SLC23A2: variants seen among roughly 807,000 people sequenced by gnomAD.
SLC23A2 encodes the protein solute carrier family 23 member 2.
In SLC23A2, 36 loss-of-function variants were observed where a neutral mutation model predicts 73.3. The ratio of observed to expected loss-of-function variants is 0.49; its 90% CI spans 0.38 to 0.65. SLC23A2 has a LOEUF of 0.65. SLC23A2 is among the 30% of genes least tolerant of loss of function. The pLI is 0.00. For missense variants in SLC23A2, 507 were observed against 841.6 expected, an observed-to-expected ratio of 0.60 and a Z score of 4.92; for synonymous variants, 343 against 327.3, an observed-to-expected ratio of 1.05 and a Z score of -0.52.
At chr20:4,961,228 C>A (rs768058534) in intron 2 of SLC23A2, among the ~76,000 whole-genome samples, 1 of 151,686 alleles carries the variant, frequency 6.6e-6, no homozygotes. Context: ...CCTATAGGCA[C>A]GTGTCACCAT....
intron 2 of SLC23A2, among the ~76,000 whole-genome samples, chr20:4,938,509 C>T (rs113376850): frequency 0.042 from 6,309 of 151,850 alleles, 395 homozygotes; most frequent in African/African-American, 0.14. Context: ...CAGCTAATTT[C>T]GTATTTTTAG....
At chr20:4,929,635 C>T (rs1034657563) in intron 3 of SLC23A2, among the ~76,000 whole-genome samples, 1 of 151,924 alleles carries the variant, frequency 6.6e-6, no homozygotes, top group African/African-American at 2.4e-5. Flanking sequence ...AATGAAGTCA[C>T]ATTTAAAAGA....
At chr20:4,874,893 G>A (rs1460010237) in intron 9 of SLC23A2, among the ~76,000 whole-genome samples, 197 bp from the exon 10 acceptor site, 5 of 152,200 alleles carry the variant, frequency 3.3e-5, no homozygotes, top group African/African-American at 1.2e-4. Flanking sequence ...TGTGGGGGAA[G>A]ATGTTACAAC....
upstream of SLC23A2, among the ~76,000 whole-genome samples, chr20:5,001,656 C>T (rs1415363852): frequency 1.3e-5 from 2 of 150,580 alleles, no homozygotes; most frequent in Admixed American, 6.6e-5. Context: ...GGCAGCGCTC[C>T]CCGGAACATC....
In SLC23A2 at chr20:4,951,073, G is replaced by A. The variant is rs138469376; in HGVS notation, c.-154-18357C>T. Among the ~76,000 whole-genome samples, 409 of 152,268 alleles carry A rather than the reference G, an allele frequency of 2.7e-3. 3 individuals are homozygous for A. Among genetic ancestry groups the A allele is most frequent in the African/African-American group, 9.6e-3 (397 of 41,548 alleles). On this transcript the variant is annotated intron_variant, in intron 2 of 16. Transcript: ENST00000338244. ...CACATCCAACCCATCAGGTCAACAC[G>A]CCTAGGGGAGCCAAGAACGGTATTC...
chr20:4,937,847 G>C (rs1196433344), intron 2 of SLC23A2, among the ~76,000 whole-genome samples: 2 of 152,020 alleles, frequency 1.3e-5, no homozygotes, highest in Non-Finnish European at 1.5e-5. Context: ...TGATTTTTGA[G>C]GGGGCACTGA....
intron 4 of SLC23A2, among the ~76,000 whole-genome samples, chr20:4,908,301 A>G (rs1829739789): frequency 6.6e-6 from 1 of 152,216 alleles, no homozygotes; most frequent in Admixed American, 6.5e-5. Context: ...AAAAATCAGG[A>G]TAAAACTACA....
At chr20:5,005,055 T>G (rs1346480091), upstream of SLC23A2, among the ~76,000 whole-genome samples, 1 of 150,586 alleles carries the variant, frequency 6.6e-6, no homozygotes, top group African/African-American at 2.4e-5. Flanking sequence ...AATAGCTAAA[T>G]AAAGAAAGAA....
At chr20:4,860,157 A>T (rs563729064) in intron 15 of SLC23A2, among the ~76,000 whole-genome samples, 37 of 152,252 alleles carry the variant, frequency 2.4e-4, no homozygotes, top group Non-Finnish European at 4.3e-4. Flanking sequence ...CAAGTACTCA[A>T]ATATGGCCCA....
intron 13 of SLC23A2, among the ~76,000 whole-genome samples, chr20:4,864,249 G>A (rs897378568): frequency 6.6e-6 from 1 of 152,178 alleles, no homozygotes; most frequent in Non-Finnish European, 1.5e-5. Context: ...AATTTTAAAC[G>A]CAATTCCTCA....
Position 4,924,883 on chromosome 20 carries a change from C to T in SLC23A2, c.108+7572G>A, listed in dbSNP as rs112930434. Among the ~76,000 whole-genome samples the T allele has an allele frequency of 9.1e-3, 1,379 of 152,320 alleles. 23 individuals carry two copies. Among genetic ancestry groups the T allele is most frequent in the African/African-American group, 0.032 (1,311 of 41,570 alleles). On this transcript the variant is annotated intron_variant, in intron 3 of 16. Transcript: ENST00000338244. Reference sequence around the variant, plus strand: ...TCTATTGTGGATTGCCTGTCTCCCACACCAGAATGAAAGCCCTGTGGCCAG... The same window carrying T: ...TCTATTGTGGATTGCCTGTCTCCCATACCAGAATGAAAGCCCTGTGGCCAG...
intron 6 of SLC23A2, 40 bp from the exon 7 acceptor site, chr20:4,885,949 G>C: frequency 7.3e-7 from 1 of 1,361,984 alleles, no homozygotes; most frequent in Non-Finnish European, 1.0e-6. Context: ...ACGGCATCGG[G>C]AACTACCGAG....
chr20:4,961,149 C>A (rs1436520062), intron 2 of SLC23A2, among the ~76,000 whole-genome samples: 1 of 150,180 alleles, frequency 6.7e-6, no homozygotes, highest in Non-Finnish European at 1.5e-5. Flanking sequence ...GCTCTGTCGC[C>A]CAGGCTGGAG....
At chr20:4,961,236 C>T (rs534884937) in intron 2 of SLC23A2, among the ~76,000 whole-genome samples, 4 of 152,012 alleles carry the variant, frequency 2.6e-5, no homozygotes, top group South Asian at 4.1e-4. Flanking sequence ...CACGTGTCAC[C>T]ATGCCCAGCT....
chr20:4,965,000 A>G (rs1419743110), intron 2 of SLC23A2, among the ~76,000 whole-genome samples: 2 of 151,952 alleles, frequency 1.3e-5, no homozygotes, highest in Non-Finnish European at 2.9e-5. Context: ...TTATTTTTCT[A>G]CAGTGTACAT....
chr20:4,924,108 G>T (rs754227875), intron 3 of SLC23A2, among the ~76,000 whole-genome samples: 1 of 151,978 alleles, frequency 6.6e-6, no homozygotes, highest in African/African-American at 2.4e-5. Flanking sequence ...GAGCCGCATC[G>T]CCACTCTGTC....
At chr20:5,008,863 G>A (rs1315371477) in intron 1 of SLC23A2, among the ~76,000 whole-genome samples, 7 of 151,974 alleles carry the variant, frequency 4.6e-5, no homozygotes, top group African/African-American at 7.3e-5. Flanking sequence ...CACCACGCTC[G>A]GCCCTACCAC....
At chr20:4,873,712 G>A (rs1220237064) in intron 11 of SLC23A2, among the ~76,000 whole-genome samples, 1 of 152,224 alleles carries the variant, frequency 6.6e-6, no homozygotes, top group Admixed American at 6.5e-5. Context: ...AGATCCAAAA[G>A]AGACAGCTCG....
At chr20:4,869,835 G>T in intron 12 of SLC23A2, 71 bp downstream of exon 12, 4 of 1,403,204 alleles carry the variant, frequency 2.9e-6, no homozygotes, top group Non-Finnish European at 3.9e-6. Flanking sequence ...TGTCTTCAAG[G>T]TAATGTAAAC....
Sources: allele counts gnomAD v4.1 joint callset (sites outside exome capture counted in the v4.1 genomes callset), GRCh38; gene constraint gnomAD v4.1.1; transcripts MANE v1.5; gene names NCBI Gene and HGNC (gene_info 2026-07-23, HGNC 2026-07-21).